Variants in CSMD1 observed in about 807,000 individuals in gnomAD.
The protein encoded by CSMD1 is CUB and Sushi multiple domains 1.
In CSMD1, 213 loss-of-function variants were observed where a neutral mutation model predicts 417.5. That is an observed-to-expected ratio of 0.51 (90% CI 0.46 to 0.57). The LOEUF (loss-of-function observed/expected upper bound fraction) is 0.57. CSMD1 is among the 20% of genes least tolerant of loss of function. The pLI, the probability that CSMD1 is intolerant of heterozygous loss-of-function variation, is 0.00. For synonymous variants in CSMD1, 2,862 were observed against 1,736.8 expected, an observed-to-expected ratio of 1.65 and a Z score of -16.11; for missense variants, 6,923 against 4,529.7, an observed-to-expected ratio of 1.53 and a Z score of -15.17.
At chr8:4,714,018 G>T (rs139547812) in intron 1 of CSMD1, among the ~76,000 whole-genome samples, 1 of 152,032 alleles carries the variant, frequency 6.6e-6, no homozygotes. Context: ...GGTGGCAGGT[G>T]CCTGTAATCC....
chr8:3,760,549 G>T (rs963850096), intron 5 of CSMD1, among the ~76,000 whole-genome samples: 7 of 152,152 alleles, frequency 4.6e-5, no homozygotes, highest in Non-Finnish European at 2.9e-5. Context: ...TCTCCGATGG[G>T]ATATAAGGGC....
At chr8:3,914,885 G>A (rs996636383) in intron 5 of CSMD1, among the ~76,000 whole-genome samples, 2 of 152,094 alleles carry the variant, frequency 1.3e-5, no homozygotes, top group Non-Finnish European at 2.9e-5. Flanking sequence ...GTTTTATGCT[G>A]CTGAAATCTT....
chr8:3,513,491 G>C (rs1042112974), intron 10 of CSMD1, among the ~76,000 whole-genome samples: 1 of 151,986 alleles, frequency 6.6e-6, no homozygotes, highest in Admixed American at 6.6e-5. Flanking sequence ...ATCTCACCTT[G>C]TGATCGTGTG....
At position 3,212,313 on chromosome 8, in the gene CSMD1, G is replaced by C. The variant is rs544611749; in HGVS notation, c.4867+2184C>G. ...ATTTTTAATTAAACATGACTAGAAA[G>C]GACTGATGCATAACCTGGCCTATGA... On this transcript the variant is annotated intron_variant, in intron 30 of 69. Coordinates refer to ENST00000635120, the MANE Select transcript of CSMD1 (RefSeq NM_033225.6). Among the ~76,000 whole-genome samples the C allele has an allele frequency of 2.6e-5, 4 of 152,236 alleles. No individual in the cohort carries two copies. In the South Asian group the frequency reaches 8.3e-4, roughly 32 times the overall value.
intron 3 of CSMD1, among the ~76,000 whole-genome samples, chr8:4,326,306 A>T (rs186668784): frequency 3.3e-5 from 5 of 152,180 alleles, no homozygotes; most frequent in Non-Finnish European, 5.9e-5. Context: ...AGGACAGCGG[A>T]TAAGTCCTTT....
chr8:4,843,040 C>G (rs1259954750), intron 1 of CSMD1, among the ~76,000 whole-genome samples: 5 of 152,076 alleles, frequency 3.3e-5, no homozygotes, highest in Admixed American at 6.5e-5. Context: ...TGAGTGAAGT[C>G]AAAATAAGAG....
Position 4,128,716 on chromosome 8 carries a change from C to G in CSMD1, c.416-96617G>C, listed in dbSNP as rs114959482. On this transcript the variant is annotated intron_variant, in intron 3 of 69. Coordinates refer to ENST00000635120, the MANE Select transcript of CSMD1 (RefSeq NM_033225.6). ...TCACGCCCACACACTGTCCACTCAT[C>G]CTTGCTGGATACTTATACTTTCATC... Among the ~76,000 whole-genome samples, 4 of 152,090 alleles carry G rather than the reference C, an allele frequency of 2.6e-5. No homozygotes were observed. The South Asian group carries it at 8.3e-4, about 32-fold the overall frequency.
intron 18 of CSMD1, chr8:3,373,519 A>C (rs771675029): frequency 6.6e-6 from 1 of 152,346 alleles, no homozygotes; most frequent in Non-Finnish European, 1.5e-5. Flanking sequence ...TGTATGGAGA[A>C]TTGAATTGGT....
chr8:3,889,564 T>TGG (rs1806814026), intron 5 of CSMD1, among the ~76,000 whole-genome samples: 1 of 146,596 alleles, frequency 6.8e-6, no homozygotes, highest in African/African-American at 2.5e-5. Context: ...TGTGTCTGTG[T>TGG]GTGTGTATGT....
chr8:3,490,069 G>A (rs560430813), intron 11 of CSMD1, among the ~76,000 whole-genome samples: 12 of 152,218 alleles, frequency 7.9e-5, no homozygotes, highest in South Asian at 6.2e-4. Flanking sequence ...TCGATGTATC[G>A]CCTAAAATTA....
chr8:3,679,663 C>A (rs1799553016), intron 7 of CSMD1, among the ~76,000 whole-genome samples: 1 of 152,172 alleles, frequency 6.6e-6, no homozygotes, highest in African/African-American at 2.4e-5. Context: ...AGGAATTGAA[C>A]TGAGCTCTGC....
chr8:3,274,747 C>T (rs1298622342), intron 26 of CSMD1, among the ~76,000 whole-genome samples: 5 of 152,106 alleles, frequency 3.3e-5, no homozygotes, highest in Admixed American at 2.0e-4. Context: ...ACTAGGATTG[C>T]AACCCCTGCC....
At chr8:3,131,625 C>T (rs1817799982) in intron 41 of CSMD1, among the ~76,000 whole-genome samples, 1 of 152,026 alleles carries the variant, frequency 6.6e-6, no homozygotes, top group Admixed American at 6.6e-5. Flanking sequence ...TTGCCTGCCA[C>T]CATGCCCAGC....
At chr8:4,808,067 G>C (rs1798690661) in intron 1 of CSMD1, among the ~76,000 whole-genome samples, 1 of 152,124 alleles carries the variant, frequency 6.6e-6, no homozygotes, top group South Asian at 2.1e-4. Flanking sequence ...TAATACTCGT[G>C]TGGGCTCAAT....
intron 3 of CSMD1, among the ~76,000 whole-genome samples, chr8:4,231,384 T>C (rs971454302): frequency 6.6e-6 from 1 of 152,158 alleles, no homozygotes; most frequent in Admixed American, 6.5e-5. Context: ...TCTGAGAGAA[T>C]AGGAGCATAT....
chr8:3,784,511 G>T lies in CSMD1; in HGVS notation c.819-30469C>A, dbSNP rs551087963. Among the ~76,000 whole-genome samples, 29 of 152,250 alleles carry T rather than the reference G, an allele frequency of 1.9e-4. No homozygotes were observed. The South Asian group carries it at 6.0e-3, about 32-fold the overall frequency. On this transcript the variant is annotated intron_variant, in intron 5 of 69. Coordinates refer to ENST00000635120, the MANE Select transcript of CSMD1 (RefSeq NM_033225.6). ...TGGGCACTTATTTTTGGACTTGCTA[G>T]AATCCTCAATTTCTAACACACCAAC...
In CSMD1 at chr8:4,430,344, A is replaced by G. The variant is rs543182389; in HGVS notation, c.303-10279T>C. 1.1e-4 allele frequency among the ~76,000 whole-genome samples: 17 copies of G among 152,164 alleles called. 1 individual carries two copies. In the South Asian group the frequency reaches 3.3e-3, roughly 30 times the overall value. The stretch of plus-strand genomic sequence containing the variant: ...GCTTTAACTGATAGTTTTCCTTCCT[A>G]AAAGGCTTACATCATTAAAGGCTTA... On this transcript the variant is annotated intron_variant, in intron 2 of 69. Transcript: ENST00000635120.
intron 5 of CSMD1, among the ~76,000 whole-genome samples, chr8:3,804,935 A>C (rs1449203780): frequency 1.3e-5 from 2 of 152,198 alleles, no homozygotes; most frequent in African/African-American, 2.4e-5. Flanking sequence ...TAGCACAGTA[A>C]TGAATGACTT....
intron 3 of CSMD1, among the ~76,000 whole-genome samples, chr8:4,342,644 T>G (rs1055349753): frequency 3.8e-4 from 58 of 152,238 alleles, no homozygotes; most frequent in African/African-American, 1.4e-3. Context: ...TTTATTTATT[T>G]TCATCACATG....
Sources: gnomAD v4.1 joint callset for allele counts (sites outside exome capture counted in the v4.1 genomes callset) on GRCh38, gnomAD v4.1.1 for gene constraint, MANE v1.5 for transcripts, NCBI Gene and HGNC (gene_info 2026-07-23, HGNC 2026-07-21) for gene names.